The following TTC3 variants were observed in gnomAD, a reference collection of about 807,000 sequenced individuals.
TTC3 encodes the protein E3 ubiquitin-protein ligase TTC3.
A neutral mutation model predicts 249.6 loss-of-function variants in TTC3; 180 were observed. The observed-to-expected ratio is 0.72, with a 90% confidence interval of 0.64 to 0.82. The LOEUF (loss-of-function observed/expected upper bound fraction) is 0.82, where lower values mean the gene tolerates loss of function less well. Among genes scored for constraint, TTC3 ranks in the 40% least tolerant of loss-of-function variants. TTC3 has a pLI of 0.00. For synonymous variants in TTC3, 717 were observed against 805.0 expected, an observed-to-expected ratio of 0.89 and a Z score of 1.85; for missense variants, 2,061 against 2,398.4, an observed-to-expected ratio of 0.86 and a Z score of 2.94.
intron 35 of TTC3, among the ~76,000 whole-genome samples, chr21:37,181,643 A>C (rs1171899029): frequency 6.6e-6 from 1 of 152,222 alleles, no homozygotes; most frequent in Non-Finnish European, 1.5e-5. Context: ...CTGTGCCAAA[A>C]TCAACCTTAT....
chr21:37,081,425 G>A (rs1038661587), intron 1 of TTC3, among the ~76,000 whole-genome samples: 9 of 151,946 alleles, frequency 5.9e-5, no homozygotes, highest in Admixed American at 1.3e-4. Context: ...CTATTTATGC[G>A]TTTTTTGAAG....
At chr21:37,119,885 C>A (rs2076449180) in intron 11 of TTC3, among the ~76,000 whole-genome samples, 1 of 152,148 alleles carries the variant, frequency 6.6e-6, no homozygotes, top group African/African-American at 2.4e-5. Flanking sequence ...GTAGTGGGAT[C>A]TGCAAACTGA....
Position 37,191,329 on chromosome 21 carries a change from T to C in TTC3, c.5025-5T>C. The C allele has an allele frequency of 6.4e-7, 1 of 1,574,264 alleles. No individual in the cohort carries two copies. The highest frequency in any genetic ancestry group is 8.6e-7 in the Non-Finnish European group (1 of 1,166,054). On this transcript the variant is annotated splice_polypyrimidine_tract_variant and splice_region_variant and intron_variant, in intron 39 of 45. Transcript: ENST00000355666. Reference sequence around the variant, plus strand: ...CTAAAGCAGTTTTATATTATACTTTTTCAGTGATCCTGCAGCATATCCTGA... The same window carrying C: ...CTAAAGCAGTTTTATATTATACTTTCTCAGTGATCCTGCAGCATATCCTGA...
At chr21:37,138,026 A>G (rs2080767209) in intron 18 of TTC3, among the ~76,000 whole-genome samples, 1 of 152,210 alleles carries the variant, frequency 6.6e-6, no homozygotes, top group Non-Finnish European at 1.5e-5. Context: ...CCCAGAACTT[A>G]AAGTATAATT....
At position 37,081,109 on chromosome 21, in the gene TTC3, C is replaced by CTTTTTTTTT. The variant is rs58809719; in HGVS notation, c.-11-6119_-11-6111dup. On this transcript the variant is annotated intron_variant, in intron 1 of 45. Transcript: ENST00000355666. ...AGTGTGCTGCCAGTTTTATTTATGC[C>CTTTTTTTTT]TTTTTTTTTTTTTTTTTTTTTTTTT... 6.9e-5 allele frequency among the ~76,000 whole-genome samples: 4 copies of CTTTTTTTTT among 58,190 alleles called. 1 individual carries two copies. The highest frequency in any genetic ancestry group is 6.3e-4 in the Admixed American group (3 of 4,796). 38.2% of individuals were successfully genotyped at this position (58,190 alleles called of 152,430 possible).
intron 35 of TTC3, 44 bp downstream of exon 35, chr21:37,172,788 T>C (rs2081920994): frequency 6.2e-7 from 1 of 1,605,634 alleles, no homozygotes; most frequent in South Asian, 1.1e-5. Context: ...GTAGCATAGT[T>C]AGGAGAATGT....
intron 10 of TTC3, among the ~76,000 whole-genome samples, chr21:37,101,583 C>T (rs563132411): frequency 1.1e-4 from 17 of 152,198 alleles, no homozygotes; most frequent in Admixed American, 3.9e-4. Context: ...AGCTCTGACC[C>T]ATCCTCTGAT....
At chr21:37,091,228 T>C (rs1206149969) in intron 6 of TTC3, 65 bp from the exon 7 acceptor site, 2 of 1,526,408 alleles carry the variant, frequency 1.3e-6, no homozygotes, top group East Asian at 4.6e-5. Context: ...GATGAATTTA[T>C]AATGCCACAT....
rs111692596 is a variant in TTC3, at chr21:37,135,260, T to G, written c.1444-120T>G. The G allele has an allele frequency of 1.7e-5, 18 of 1,070,260 alleles. No homozygotes were observed. The African/African-American group carries it at 2.4e-4, about 14-fold the overall frequency. 66.3% of individuals were successfully genotyped at this position (1,070,260 alleles called of 1,614,324 possible). On this transcript the variant is annotated intron_variant, in intron 17 of 45. Transcript: ENST00000355666. ...AGGAATATGATGAATAAGGGTAGTT[T>G]GGGTATTGATGTAAACATTTTATCA... is the stretch of plus-strand genomic sequence containing the variant.
At chr21:37,199,953 T>G (rs2085325648) in intron 44 of TTC3, among the ~76,000 whole-genome samples, 1 of 152,258 alleles carries the variant, frequency 6.6e-6, no homozygotes, top group South Asian at 2.1e-4. Context: ...ATACTGTACT[T>G]TAGGTATGGT....
At chr21:37,138,952 A>G (rs1427821558) in intron 19 of TTC3, among the ~76,000 whole-genome samples, 1 of 152,176 alleles carries the variant, frequency 6.6e-6, no homozygotes, top group Non-Finnish European at 1.5e-5. Context: ...TATGTAATGT[A>G]TCATGATTGA....
chr21:37,154,853 G>C (rs1043994781), intron 27 of TTC3, among the ~76,000 whole-genome samples: 3 of 152,074 alleles, frequency 2.0e-5, no homozygotes, highest in Admixed American at 6.6e-5. Flanking sequence ...CTGCCACCAC[G>C]CCTGGCTAAT....
chr21:37,196,154 C>G (rs1244589841), intron 42 of TTC3, 118 bp downstream of exon 42: 7 of 1,326,324 alleles, frequency 5.3e-6, no homozygotes, highest in Non-Finnish European at 6.1e-6. Context: ...AATTGTTTTG[C>G]TCAGAAAGAC....
chr21:37,130,047 T>C (rs553330747), intron 16 of TTC3, among the ~76,000 whole-genome samples: 1 of 152,252 alleles, frequency 6.6e-6, no homozygotes, highest in Non-Finnish European at 1.5e-5. Context: ...ATTAAAGTGA[T>C]GTTGGAGAAA....
rs1181045017 is a variant in TTC3 at position 37,148,531 on chromosome 21, T to G, written c.2017-15T>G. ...ATCTTTAAAACGTTAATTAAAAAAT[T>G]TTTTGTAACCCTAGGGTTTTATACG... On this transcript the variant is annotated splice_polypyrimidine_tract_variant and intron_variant, in intron 22 of 45. Coordinates refer to ENST00000355666, the Ensembl canonical transcript of TTC3. The G allele has an allele frequency of 6.6e-7, 1 of 1,521,270 alleles. No homozygotes were observed. The highest frequency in any genetic ancestry group is 2.1e-4 in the Middle Eastern group (1 of 4,780). 94.2% of individuals were successfully genotyped at this position (1,521,270 alleles called of 1,614,324 possible). A position where few individuals can be genotyped will look rare whatever the true frequency, so the allele number is the denominator to read the frequency against.
chr21:37,140,408 A>G (rs181883949), intron 19 of TTC3, among the ~76,000 whole-genome samples, 153 bp from the exon 20 acceptor site: 5 of 152,304 alleles, frequency 3.3e-5, no homozygotes, highest in African/African-American at 9.6e-5. Flanking sequence ...ATAATTCCTA[A>G]GAAAGTGAAA....
exon 32 of TTC3, chr21:37,164,203 C>T (rs2081043478): frequency 6.2e-7 from 1 of 1,607,882 alleles, no homozygotes; most frequent in South Asian, 1.1e-5. Flanking sequence ...CAAAAATGTT[C>T]AACTCTATAT....
chr21:37,090,933 G>A (rs1432979781), intron 6 of TTC3, among the ~76,000 whole-genome samples: 1 of 152,116 alleles, frequency 6.6e-6, no homozygotes, highest in Non-Finnish European at 1.5e-5. Flanking sequence ...AAGTCTTTGT[G>A]TAGATGAGAT....
chr21:37,097,933 A>G (rs1214984544), intron 10 of TTC3: 2 of 713,340 alleles, frequency 2.8e-6, no homozygotes, highest in African/African-American at 3.5e-5. Flanking sequence ...CTCATGGTAG[A>G]AAATTTGGAA....
Sources: allele counts gnomAD v4.1 joint callset (sites outside exome capture counted in the v4.1 genomes callset), GRCh38; gene constraint gnomAD v4.1.1; transcripts MANE v1.5; gene names NCBI Gene and HGNC (gene_info 2026-07-23, HGNC 2026-07-21).